FAM53A: variants seen among roughly 807,000 people sequenced by gnomAD.
FAM53A encodes family with sequence similarity 53 member A, also known as protein FAM53A.
Under a neutral mutation model 26.6 loss-of-function variants are expected in FAM53A, and 28 were observed. The ratio of observed to expected loss-of-function variants is 1.05; its 90% CI spans 0.78 to 1.45. The LOEUF is 1.45. FAM53A is among the 40% of genes most tolerant of loss of function. The pLI is 0.00. For synonymous variants in FAM53A, 290 were observed against 253.1 expected, an observed-to-expected ratio of 1.15 and a Z score of -1.38; for missense variants, 650 against 575.8, an observed-to-expected ratio of 1.13 and a Z score of -1.32.
Position 1,655,660 on chromosome 4 carries a change from G to C in FAM53A, c.200C>G (p.Pro67Arg), listed in dbSNP as rs368575496. The C allele has an allele frequency of 1.3e-6, 2 of 1,596,180 alleles. No homozygotes were observed. Among genetic ancestry groups the C allele is most frequent in the East Asian group, 2.3e-5 (1 of 43,888 alleles). Residue 67 changes from proline (P) to arginine (R), a missense_variant, in exon 4 of 5, where the codon CCT becomes CGT. Coordinates refer to ENST00000308132, the MANE Select transcript of FAM53A (RefSeq NM_001174070.3). ...CAGGCCCGGCAGGAAGGAGAAATCA[G>C]GGCCCGTGGCTGCCTGGCTTCTGAC... is the stretch of plus-strand genomic sequence containing the variant. Reference protein sequence around the residue: ...PPVRSQAATGPDFSFLPGLSA... With the variant: ...PPVRSQAATGRDFSFLPGLSA...
At chr4:1,678,549 C>T (rs1430189438) in intron 1 of FAM53A, among the ~76,000 whole-genome samples, 1 of 152,114 alleles carries the variant, frequency 6.6e-6, no homozygotes, top group Non-Finnish European at 1.5e-5. Context: ...AGGCCGGGTG[C>T]GGTGGCCCAC....
chr4:1,629,305 C>T (rs1715504408), intron 1 of FAM53A, among the ~76,000 whole-genome samples: 1 of 152,192 alleles, frequency 6.6e-6, no homozygotes, highest in Non-Finnish European at 1.5e-5. Context: ...TCAATCTCTG[C>T]TGCCACCCAG....
Position 1,648,632 on chromosome 4 carries a change from G to A in FAM53A, c.882+6346C>T, listed in dbSNP as rs77748019. On this transcript the variant is annotated intron_variant, in intron 4 of 4. Coordinates refer to ENST00000308132, the MANE Select transcript of FAM53A (RefSeq NM_001174070.3). ...GACTACGGTCACACTGAAGACACTCGTGAGCAAGCAGACCAAAGCGGCTGA... is the reference window on the plus strand; with the variant it reads ...GACTACGGTCACACTGAAGACACTCATGAGCAAGCAGACCAAAGCGGCTGA... 6.2e-3 allele frequency among the ~76,000 whole-genome samples: 951 copies of A among 152,280 alleles called. 20 individuals carry two copies. Among genetic ancestry groups the A allele is most frequent in the Admixed American group, 0.043 (665 of 15,292 alleles).
the FAM53A span, among the ~76,000 whole-genome samples, chr4:1,609,832 AGG>A: frequency 4.6e-5 from 7 of 151,728 alleles, no homozygotes; most frequent in South Asian, 2.1e-4. Context: ...GCATGGTGGC[AGG>A]CGCCTGTAAT....
rs1161766831 is a variant in FAM53A, at chr4:1,659,749, G to T, written c.76-2281C>A. Reference sequence around the variant, plus strand: ...CAAGATCAAGGGACAGGCAGATTCAGTGTCTGGTAAGGCCACCTCCTGGTT... The same window carrying T: ...CAAGATCAAGGGACAGGCAGATTCATTGTCTGGTAAGGCCACCTCCTGGTT... On this transcript the variant is annotated intron_variant, in intron 2 of 4. Coordinates refer to ENST00000308132, the MANE Select transcript of FAM53A (RefSeq NM_001174070.3). This position sits in a 1 kb window ranked among gnomAD's most constrained non-coding sequence, Gnocchi z 5.2. Among the ~76,000 whole-genome samples the T allele has an allele frequency of 6.6e-6, 1 of 152,186 alleles. No homozygotes were observed. The highest frequency in any genetic ancestry group is 1.5e-5 in the Non-Finnish European group (1 of 68,020).
intron 1 of FAM53A, among the ~76,000 whole-genome samples, chr4:1,632,456 C>A (rs1035011853): frequency 1.8e-4 from 27 of 152,152 alleles, no homozygotes; most frequent in African/African-American, 5.8e-4. Flanking sequence ...GCTGTTTAAG[C>A]CCACTGTGCA....
At chr4:1,616,075 G>A (rs1276831970), downstream of FAM53A, among the ~76,000 whole-genome samples, 1 of 152,194 alleles carries the variant, frequency 6.6e-6, no homozygotes, top group African/African-American at 2.4e-5. Context: ...GGGGGATGTT[G>A]GATGCAGTAA....
At chr4:1,652,633 C>T (rs1712959082) in intron 4 of FAM53A, among the ~76,000 whole-genome samples, 1 of 147,370 alleles carries the variant, frequency 6.8e-6, no homozygotes, top group African/African-American at 2.5e-5. Context: ...ACACCAGACA[C>T]ACCCACCAGA....
In FAM53A at chr4:1,631,081, C is replaced by A. The variant is rs114243904; in HGVS notation, c.432-12970G>T. 6.0e-3 allele frequency among the ~76,000 whole-genome samples: 912 copies of A among 152,282 alleles called. 13 individuals are homozygous for A. The highest frequency in any genetic ancestry group is 0.021 in the African/African-American group (867 of 41,558). On this transcript the variant is annotated intron_variant, in intron 1 of 1. Transcript: ENST00000489029. Reference sequence around the variant, plus strand: ...TAATAAATTAATAAATGTATTAATACTAACAATAAAAACAATGTTTCCAAT... The same window carrying A: ...TAATAAATTAATAAATGTATTAATAATAACAATAAAAACAATGTTTCCAAT...
At chr4:1,649,347 C>T (rs1351823835) in intron 4 of FAM53A, among the ~76,000 whole-genome samples, 1 of 152,246 alleles carries the variant, frequency 6.6e-6, no homozygotes, top group Admixed American at 6.5e-5. Flanking sequence ...AAGTCCAGCA[C>T]AAGGGGTGGG....
chr4:1,579,275 G>A, the FAM53A span, among the ~76,000 whole-genome samples: 3 of 145,270 alleles, frequency 2.1e-5, no homozygotes, highest in Non-Finnish European at 3.0e-5. Flanking sequence ...GCCCGCGCCT[G>A]CTGGGCGCCC....
chr4:1,579,479 G>A, the FAM53A span, among the ~76,000 whole-genome samples: 1 of 152,138 alleles, frequency 6.6e-6, no homozygotes, highest in South Asian at 2.1e-4. Context: ...GTCCTGGGGA[G>A]GAGGCTTGGG....
At chr4:1,658,428 C>T (rs1416312108) in intron 2 of FAM53A, among the ~76,000 whole-genome samples, 2 of 152,250 alleles carry the variant, frequency 1.3e-5, no homozygotes, top group African/African-American at 4.8e-5. Flanking sequence ...GCAAACCTCA[C>T]CACTTACTTA....
At chr4:1,664,164 G>A (rs1019927764) in intron 2 of FAM53A, among the ~76,000 whole-genome samples, 9 of 152,316 alleles carry the variant, frequency 5.9e-5, no homozygotes, top group African/African-American at 2.2e-4. Context: ...AGATATTAAG[G>A]AATCTCTGAG....
intron 2 of FAM53A, among the ~76,000 whole-genome samples, chr4:1,663,524 G>A (rs1357972013): frequency 6.6e-6 from 1 of 152,114 alleles, no homozygotes; most frequent in Admixed American, 6.6e-5. Context: ...GAACCTGATC[G>A]AGCTTCGAGC....
At chr4:1,578,139 G>A in the FAM53A span, among the ~76,000 whole-genome samples, 1 of 151,676 alleles carries the variant, frequency 6.6e-6, no homozygotes, top group Non-Finnish European at 1.5e-5. Flanking sequence ...ACACCCCCAG[G>A]CCCCCCCCAA....
chr4:1,674,932 A>G (rs781775845), intron 1 of FAM53A, among the ~76,000 whole-genome samples: 4 of 152,176 alleles, frequency 2.6e-5, no homozygotes, highest in Non-Finnish European at 5.9e-5. Flanking sequence ...CTGGGGAAGG[A>G]GCAGTTCAGG....
upstream of FAM53A, among the ~76,000 whole-genome samples, chr4:1,685,383 A>C (rs1309210646): frequency 6.6e-6 from 1 of 150,826 alleles, no homozygotes; most frequent in African/African-American, 2.4e-5. Flanking sequence ...AGAAAGAGCT[A>C]CCTGTGTCCC....
At chr4:1,622,140 C>G (rs28637577) in intron 1 of FAM53A, among the ~76,000 whole-genome samples, 56,110 of 151,992 alleles carry the variant, frequency 0.37, 11,493 homozygotes, top group African/African-American at 0.52. Context: ...AACTTGAGCC[C>G]GCCGACCCCT....
Sources: gnomAD v4.1 joint callset for allele counts (sites outside exome capture counted in the v4.1 genomes callset) on GRCh38, gnomAD v4.1.1 for gene constraint, Gnocchi (gnomAD v3.1) non-coding constraint, MANE v1.5 for transcripts, NCBI Gene and HGNC (gene_info 2026-07-23, HGNC 2026-07-21) for gene names.